ROBO1: variants seen among roughly 807,000 people sequenced by gnomAD.
The protein encoded by ROBO1 is roundabout homolog 1.
A neutral mutation model predicts 195.9 loss-of-function variants in ROBO1; 149 were observed. That is an observed-to-expected ratio of 0.76 (90% CI 0.67 to 0.87). The LOEUF (loss-of-function observed/expected upper bound fraction) is 0.87. Ranked by LOEUF, ROBO1 falls within the 40% of genes least tolerant of loss-of-function variation. The pLI, the probability that ROBO1 is intolerant of heterozygous loss-of-function variation, is 0.00. For missense variants in ROBO1, 1,933 were observed against 2,068.3 expected (o/e 0.93, Z 1.27); for synonymous variants, 816 against 733.2 (o/e 1.11, Z -1.82).
intron 1 of ROBO1, among the ~76,000 whole-genome samples, chr3:79,628,728 C>T (rs917244935): frequency 6.6e-6 from 1 of 152,058 alleles, no homozygotes; most frequent in Non-Finnish European, 1.5e-5. Context: ...AAAACAGGAT[C>T]CAACCATTTT....
chr3:79,381,096 C>A (rs551195543), intron 2 of ROBO1, among the ~76,000 whole-genome samples: 1 of 152,164 alleles, frequency 6.6e-6, no homozygotes, highest in East Asian at 1.9e-4. Context: ...CGGTGGCTCA[C>A]GCCCGTAATC....
At chr3:79,658,771 AT>A (rs377111978) in intron 1 of ROBO1, among the ~76,000 whole-genome samples, 2,728 of 141,854 alleles carry the variant, frequency 0.019, 57 homozygotes, top group East Asian at 0.068. Flanking sequence ...TTCAAAATCT[AT>A]TTTTTTTTTT....
At chr3:79,403,400 T>C (rs533266240) in intron 2 of ROBO1, among the ~76,000 whole-genome samples, 1 of 152,170 alleles carries the variant, frequency 6.6e-6, no homozygotes, top group East Asian at 1.9e-4. Context: ...ATAGCAGTGA[T>C]ATATTCATCA....
chr3:78,675,520 GCACTTGGCTCGGAGGGTCCTAC>G (rs1359222989), intron 10 of ROBO1, among the ~76,000 whole-genome samples: 1 of 152,142 alleles, frequency 6.6e-6, no homozygotes, highest in East Asian at 1.9e-4. Flanking sequence ...ATTATATCCC[GCACTTGGCTCGGAGGGTCCTAC>G]ACCCACGGAG....
intron 4 of ROBO1, among the ~76,000 whole-genome samples, chr3:78,761,708 A>T (rs1363711315): frequency 6.6e-6 from 1 of 152,194 alleles, no homozygotes; most frequent in Non-Finnish European, 1.5e-5. Context: ...TATCAATTTT[A>T]ATCATGCATA....
intron 3 of ROBO1, among the ~76,000 whole-genome samples, chr3:79,006,444 A>G (rs1292939434): frequency 2.6e-5 from 4 of 152,208 alleles, no homozygotes; most frequent in Non-Finnish European, 4.4e-5. Flanking sequence ...CCAGTTGGCC[A>G]TAGGATGAGT....
intron 1 of ROBO1, among the ~76,000 whole-genome samples, chr3:79,696,134 T>C (rs1318571207): frequency 3.3e-5 from 5 of 151,518 alleles, no homozygotes; most frequent in African/African-American, 4.8e-5. Context: ...TGATAATTTT[T>C]GCTTTCTACA....
chr3:79,031,013 T>C (rs2078286767), intron 3 of ROBO1, among the ~76,000 whole-genome samples: 1 of 152,176 alleles, frequency 6.6e-6, no homozygotes. Flanking sequence ...TGAGCCACCA[T>C]GCCCGGCCCC....
chr3:79,335,158 A>G (rs529567808), intron 2 of ROBO1, among the ~76,000 whole-genome samples: 12 of 152,266 alleles, frequency 7.9e-5, no homozygotes, highest in African/African-American at 1.2e-4. Context: ...AACAGAAAAC[A>G]TTTTAGATGT....
chr3:79,468,381 G>T (rs538354560), intron 2 of ROBO1, among the ~76,000 whole-genome samples: 1 of 152,280 alleles, frequency 6.6e-6, no homozygotes, highest in African/African-American at 2.4e-5. Flanking sequence ...GCACAGGGAA[G>T]TTAAGTGGCT....
At position 79,184,336 on chromosome 3, in the gene ROBO1, C is replaced by T. The variant is rs116619355; in HGVS notation, c.89-58797G>A. On this transcript the variant is annotated intron_variant, in intron 2 of 30. Transcript: ENST00000464233. ...CAGAAACTTGAAATGTAGGTCTTTC[C>T]GGGCTTTGAAAACAGAGCTCTGCTC... Among the ~76,000 whole-genome samples, 818 of 152,192 alleles carry T rather than the reference C, an allele frequency of 5.4e-3. 8 individuals are homozygous for T. The highest frequency in any genetic ancestry group is 0.019 in the African/African-American group (775 of 41,534).
intron 18 of ROBO1, among the ~76,000 whole-genome samples, chr3:78,655,573 C>T (rs1032303025): frequency 6.6e-6 from 1 of 152,174 alleles, no homozygotes; most frequent in African/African-American, 2.4e-5. Context: ...TCTTATAGGA[C>T]AGAAATTCTG....
At chr3:78,974,923 AG>A (rs1420557442) in intron 3 of ROBO1, among the ~76,000 whole-genome samples, 1 of 152,178 alleles carries the variant, frequency 6.6e-6, no homozygotes, top group Non-Finnish European at 1.5e-5. Flanking sequence ...ATTCTATATT[AG>A]ATTACATTTA....
chr3:79,144,005 G>T (rs372781646), intron 2 of ROBO1, among the ~76,000 whole-genome samples: 1 of 151,232 alleles, frequency 6.6e-6, no homozygotes, highest in Non-Finnish European at 1.5e-5. Flanking sequence ...AAAGATTTTC[G>T]CAGTTTTTTG....
intron 1 of ROBO1, among the ~76,000 whole-genome samples, chr3:79,764,112 A>G (rs1704858652): frequency 6.6e-6 from 1 of 152,188 alleles, no homozygotes; most frequent in South Asian, 2.1e-4. Context: ...TAGACATCTA[A>G]TAAAGCCTAC....
intron 2 of ROBO1, among the ~76,000 whole-genome samples, chr3:79,501,831 C>G (rs1940088359): frequency 6.6e-6 from 1 of 152,182 alleles, no homozygotes; most frequent in African/African-American, 2.4e-5. Flanking sequence ...GCCATGTGAT[C>G]TCCACTTATG....
intron 3 of ROBO1, among the ~76,000 whole-genome samples, chr3:79,063,196 G>T (rs2078950299): frequency 6.6e-6 from 1 of 151,756 alleles, no homozygotes; most frequent in Admixed American, 6.6e-5. Flanking sequence ...AAAGCAAGTG[G>T]TAAGCCATAT....
At position 79,627,620 on chromosome 3, in the gene ROBO1, G is replaced by A. The variant is rs192193473; in HGVS notation, c.-50-37659C>T. Among the ~76,000 whole-genome samples the A allele has an allele frequency of 4.3e-3, 320 of 74,310 alleles. 1 individual carries two copies. The highest frequency in any genetic ancestry group is 5.8e-3 in the Non-Finnish European group (221 of 38,354). The allele number at this position is 74,310 out of a possible 152,430, so 48.8% of individuals were successfully genotyped here. A position where few individuals can be genotyped will look rare whatever the true frequency, so the allele number is the denominator to read the frequency against. On this transcript the variant is annotated intron_variant, in intron 1 of 30. Transcript: ENST00000464233. ...AGACTTCATGACAAAAATGCCAAAA[G>A]CAAAGACAATAAAACCAAAATTAAC... is the stretch of plus-strand genomic sequence containing the variant.
intron 2 of ROBO1, among the ~76,000 whole-genome samples, chr3:79,417,961 C>G (rs1010837567): frequency 2.6e-5 from 4 of 152,066 alleles, no homozygotes; most frequent in Admixed American, 2.6e-4. Context: ...TACAAAAACA[C>G]CATCACTATC....
Sources: allele counts gnomAD v4.1 joint callset (sites outside exome capture counted in the v4.1 genomes callset), GRCh38; gene constraint gnomAD v4.1.1; transcripts MANE v1.5; gene names NCBI Gene and HGNC (gene_info 2026-07-23, HGNC 2026-07-21).